The following NSD1 variants were observed in gnomAD, a reference collection of about 807,000 sequenced individuals.
NSD1 encodes the protein histone-lysine N-methyltransferase, H3 lysine-36 specific.
Under a neutral mutation model 242.7 loss-of-function variants are expected in NSD1, and 26 were observed. The observed-to-expected ratio is 0.11, with a 90% CI of 0.08 to 0.15. The LOEUF (loss-of-function observed/expected upper bound fraction) is 0.15, where lower values mean the gene tolerates loss of function less well. Among genes scored for constraint, NSD1 ranks in the 10% least tolerant of loss-of-function variants. The pLI, the probability that NSD1 is intolerant of heterozygous loss-of-function variation, is 1.00. For synonymous variants in NSD1, 1,106 were observed against 1,178.1 expected (o/e 0.94, Z 1.25); for missense variants, 2,495 against 3,272.8 (o/e 0.76, Z 5.80).
chr5:177,192,057 G>A (rs1416739844), intron 3 of NSD1, 38 bp downstream of exon 3: 1 of 1,591,716 alleles, frequency 6.3e-7, no homozygotes, highest in Non-Finnish European at 8.6e-7. Flanking sequence ...AAAGGCAGTT[G>A]CCTTTAGAAT....
intron 2 of NSD1, among the ~76,000 whole-genome samples, chr5:177,158,940 A>ATG (rs1343182362): frequency 2.2e-5 from 3 of 137,722 alleles, no homozygotes; most frequent in African/African-American, 8.8e-5. Context: ...GTGTGTGTGT[A>ATG]TATATACACA....
At chr5:177,181,879 G>T (rs1054496990) in intron 2 of NSD1, among the ~76,000 whole-genome samples, 30 of 149,678 alleles carry the variant, frequency 2.0e-4, no homozygotes, top group Non-Finnish European at 1.9e-4. Context: ...TTAGCCAGGC[G>T]CAGTGGCTCA....
At position 177,295,730 on chromosome 5, in the gene NSD1, C is replaced by T. The variant is rs1180373673; in HGVS notation, c.*271C>T. The stretch of plus-strand genomic sequence containing the variant: ...CTTTCCCCCAACTTTTCCACATGGT[C>T]ATCGTGAAATAAAAAGTCCACTCTG... On this transcript the variant is annotated 3_prime_UTR_variant, in exon 23 of 23. Transcript: ENST00000439151. The surrounding 1 kb of genome is among the most constrained non-coding windows in gnomAD (Gnocchi z 4.3). 6 of 547,626 alleles carry T rather than the reference C, an allele frequency of 1.1e-5. No individual in the cohort carries two copies. Among genetic ancestry groups the T allele is most frequent in the South Asian group, 2.0e-5 (1 of 49,102 alleles). The allele number at this position is 547,626 out of a possible 1,614,324, so 33.9% of individuals were successfully genotyped here. A position where few individuals can be genotyped will look rare whatever the true frequency, so the allele number is the denominator to read the frequency against.
chr5:177,173,431 C>T (rs1244630810), intron 2 of NSD1, among the ~76,000 whole-genome samples: 3 of 138,730 alleles, frequency 2.2e-5, no homozygotes, highest in African/African-American at 8.3e-5. Context: ...GAGTGTATGT[C>T]TTACATTGCA....
rs575229932 is a variant in NSD1 at position 177,294,899 on chromosome 5, G to C, written c.7531G>C (p.Asp2511His). The C allele has an allele frequency of 5.6e-6, 9 of 1,613,986 alleles. No individual in the cohort carries two copies. In the Admixed American group the frequency reaches 6.7e-5, roughly 12 times the overall value. ...AGCTGTTGAGAAAGGCTGTGTGTCAGATCCTCTTCAGACATCTGGGAAAGC... is the reference window on the plus strand; with the variant it reads ...AGCTGTTGAGAAAGGCTGTGTGTCACATCCTCTTCAGACATCTGGGAAAGC... The part of the protein sequence containing the change: ...PRAVEKGCVS[D>H]PLQTSGKAAA... Residue 2511 changes from aspartate to histidine, a missense_variant, in exon 23 of 23, where the codon GAT becomes CAT. This residue lies in a region of NSD1 where 475 missense variants were observed against 563.7 expected (regional missense o/e 0.84). Coordinates refer to ENST00000439151, the MANE Select transcript of NSD1 (RefSeq NM_022455.5).
rs372734636 is a variant in NSD1 at position 177,298,617 on chromosome 5, T to A, written c.*3158T>A. ...CCTCTTCTGAACCAAATCTTTAGCA[T>A]TGATGAAAATAGTTATTTTATTCTT... On this transcript the variant is annotated 3_prime_UTR_variant, in exon 23 of 23. Transcript: ENST00000439151. 4.3e-6 allele frequency: 1 copy of A among 233,220 alleles called. No homozygotes were observed. Among genetic ancestry groups the A allele is most frequent in the African/African-American group, 2.2e-5 (1 of 45,350 alleles). The allele number at this position is 233,220 out of a possible 1,614,324, so 14.4% of individuals were successfully genotyped here. A position where few individuals can be genotyped will look rare whatever the true frequency, so the allele number is the denominator to read the frequency against.
intron 14 of NSD1, among the ~76,000 whole-genome samples, chr5:177,263,715 A>T (rs1420379696): frequency 6.6e-6 from 1 of 152,232 alleles, no homozygotes; most frequent in African/African-American, 2.4e-5. Flanking sequence ...CACATTGTTC[A>T]TGGAACACCG....
intron 3 of NSD1, among the ~76,000 whole-genome samples, chr5:177,200,858 C>T (rs1274790978): frequency 6.6e-6 from 1 of 151,720 alleles, no homozygotes; most frequent in Non-Finnish European, 1.5e-5. Context: ...CCATTCTGAA[C>T]AGTGTTTCTA....
At chr5:177,165,532 A>G (rs980314641) in intron 2 of NSD1, among the ~76,000 whole-genome samples, 3 of 152,096 alleles carry the variant, frequency 2.0e-5, no homozygotes, top group African/African-American at 4.8e-5. Flanking sequence ...TAAATCCTTA[A>G]CTAGGGATAT....
At chr5:177,228,498 C>T (rs564330400) in intron 5 of NSD1, among the ~76,000 whole-genome samples, 95 of 151,784 alleles carry the variant, frequency 6.3e-4, no homozygotes, top group African/African-American at 2.1e-3. Flanking sequence ...ATTACAGGCG[C>T]GAGTCACCAG....
At chr5:177,288,656 GATT>G in intron 20 of NSD1, 160 bp from the exon 21 acceptor site, 1 of 607,748 alleles carries the variant, frequency 1.6e-6, no homozygotes, top group South Asian at 1.9e-5. Flanking sequence ...TGTATTACCT[GATT>G]ATTAATGTTA....
chr5:177,158,019 T>C (rs1175954951), intron 2 of NSD1, among the ~76,000 whole-genome samples: 2 of 152,254 alleles, frequency 1.3e-5, no homozygotes, highest in African/African-American at 4.8e-5. Flanking sequence ...GACATTTTGT[T>C]TCTTCCACTT....
At chr5:177,265,663 G>T (rs1472439073) in intron 14 of NSD1, 10 of 1,609,212 alleles carry the variant, frequency 6.2e-6, no homozygotes, top group Non-Finnish European at 8.5e-6. Context: ...AGTTCTTGGC[G>T]TTGGGCCGCA....
At chr5:177,174,337 A>C (rs925234661) in intron 2 of NSD1, among the ~76,000 whole-genome samples, 1 of 152,124 alleles carries the variant, frequency 6.6e-6, no homozygotes, top group African/African-American at 2.4e-5. Context: ...CTGGGCAACA[A>C]GAGCGAGACA....
Position 177,248,205 on chromosome 5 carries a change from G to T in NSD1, c.4522G>T (p.Ala1508Ser), listed in dbSNP as rs755207989. The T allele has an allele frequency of 8.7e-6, 14 of 1,613,990 alleles. No individual in the cohort carries two copies. Among genetic ancestry groups the T allele is most frequent in the Non-Finnish European group, 1.2e-5 (14 of 1,180,020 alleles). The change falls in exon 11 of 23, where the codon GCC becomes TCC. Residue 1508 changes from alanine (A) to serine (S), a missense_variant. Ala to Ser is a moderately conservative substitution (Grantham distance 99, BLOSUM62 1). Around this residue, in one of 19 missense-constraint regions of NSD1, gnomAD observed 97 missense variants for 97.7 expected, o/e 0.99. Coordinates refer to ENST00000439151, the MANE Select transcript of NSD1 (RefSeq NM_022455.5). ...GGGAGAACTAATGCCTCACAGGACG[G>T]CCACAAGCCCCAAGGAGACTGTTGA... ...SEGELMPHRT[A>S]TSPKETVEEG...
chr5:177,238,140 G>T lies in NSD1; in HGVS notation c.3922-97G>T. On this transcript the variant is annotated intron_variant, in intron 6 of 22. Transcript: ENST00000439151. This position sits in a 1 kb window ranked among gnomAD's most constrained non-coding sequence, Gnocchi z 4.6. ...GGTTCATCCACTTTTTGTAGCCTTT[G>T]TCAGAATTTCATTCCTTTTAAAGTG... The T allele has an allele frequency of 7.2e-7, 1 of 1,385,810 alleles. No individual in the cohort carries two copies. The highest frequency in any genetic ancestry group is 1.7e-5 in the Admixed American group (1 of 58,458). 85.8% of individuals were successfully genotyped at this position (1,385,810 alleles called of 1,614,324 possible).
At chr5:177,259,115 T>G (rs115522661) in intron 13 of NSD1, among the ~76,000 whole-genome samples, 7,416 of 152,284 alleles carry the variant, frequency 0.049, 200 homozygotes, top group South Asian at 0.082. Flanking sequence ...GATTACAGGC[T>G]TGAGCCACCG....
intron 2 of NSD1, among the ~76,000 whole-genome samples, chr5:177,176,410 C>T (rs1760207201): frequency 6.6e-6 from 1 of 151,592 alleles, no homozygotes. Context: ...GTGTGATCCA[C>T]CATGCCTGGC....
intron 3 of NSD1, among the ~76,000 whole-genome samples, chr5:177,201,090 T>G (rs904949231): frequency 6.6e-6 from 1 of 152,192 alleles, no homozygotes; most frequent in Non-Finnish European, 1.5e-5. Flanking sequence ...TTTCGCCATG[T>G]TGGCCAGGCT....
Sources: allele counts gnomAD v4.1 joint callset (sites outside exome capture counted in the v4.1 genomes callset), GRCh38; gene constraint gnomAD v4.1.1; regional missense constraint gnomAD v4.1.1; non-coding constraint Gnocchi (gnomAD v3.1); transcripts MANE v1.5; gene names NCBI Gene and HGNC (gene_info 2026-07-23, HGNC 2026-07-21).